The following PTPRD variants were observed in gnomAD, a reference collection of about 807,000 sequenced individuals.
PTPRD encodes the protein protein tyrosine phosphatase receptor type D.
In PTPRD, 34 loss-of-function variants were observed where a neutral mutation model predicts 214.5. The ratio of observed to expected loss-of-function variants is 0.16; its 90% CI spans 0.12 to 0.21. PTPRD has a LOEUF of 0.21. Among genes scored for constraint, PTPRD ranks in the 10% least tolerant of loss-of-function variants. The probability of loss-of-function intolerance (pLI) is 1.00; values close to 1 mark genes in which losing one functional copy is unlikely to be tolerated. For missense variants in PTPRD, 2,545 were observed against 2,398.7 expected (o/e 1.06, Z -1.27); for synonymous variants, 1,128 against 845.7 (o/e 1.33, Z -5.79).
chr9:9,187,703 T>A (rs1412862545), intron 9 of PTPRD, among the ~76,000 whole-genome samples: 1 of 152,024 alleles, frequency 6.6e-6, no homozygotes, highest in African/African-American at 2.4e-5. Context: ...CAACAAATAC[T>A]ACTGCAACCC....
At chr9:8,677,225 T>C (rs371796780) in intron 12 of PTPRD, among the ~76,000 whole-genome samples, 4 of 152,194 alleles carry the variant, frequency 2.6e-5, no homozygotes, top group Non-Finnish European at 5.9e-5. Context: ...CACACATACA[T>C]TTATCACAGC....
intron 8 of PTPRD, among the ~76,000 whole-genome samples, chr9:9,498,412 C>G (rs10759079): frequency 0.49 from 74,067 of 151,850 alleles, 18,708 homozygotes; most frequent in East Asian, 0.65. Context: ...AGGTTATAAA[C>G]TTGGACTTCA....
intron 3 of PTPRD, among the ~76,000 whole-genome samples, chr9:10,213,455 T>G (rs10116664): frequency 0.12 from 17,754 of 151,948 alleles, 1,154 homozygotes; most frequent in Middle Eastern, 0.19. Flanking sequence ...ATCTGTCAGG[T>G]GGATGCAGAG....
At chr9:9,938,846 G>T (rs895129779) in intron 4 of PTPRD, among the ~76,000 whole-genome samples, 4 of 151,934 alleles carry the variant, frequency 2.6e-5, no homozygotes, top group African/African-American at 7.3e-5. Flanking sequence ...CTTATAAAAG[G>T]TTATTTATTA....
intron 2 of PTPRD, among the ~76,000 whole-genome samples, chr9:10,414,571 A>C (rs914775585): frequency 6.6e-6 from 1 of 152,000 alleles, no homozygotes; most frequent in Admixed American, 6.6e-5. Flanking sequence ...GATTTGACTC[A>C]GCAATCCCAT....
chr9:8,953,455 C>G (rs1294953871), intron 11 of PTPRD, among the ~76,000 whole-genome samples: 1 of 151,904 alleles, frequency 6.6e-6, no homozygotes, highest in African/African-American at 2.4e-5. Context: ...GAATTTGTAG[C>G]TAAGCCCTCA....
chr9:9,371,199 T>TA (rs1240598376), intron 9 of PTPRD, among the ~76,000 whole-genome samples: 1 of 152,172 alleles, frequency 6.6e-6, no homozygotes, highest in African/African-American at 2.4e-5. Context: ...TACCAGCTCC[T>TA]CCTGTACCTC....
chr9:10,589,502 A>G (rs1030263118), intron 2 of PTPRD, among the ~76,000 whole-genome samples: 2 of 152,134 alleles, frequency 1.3e-5, no homozygotes, highest in Non-Finnish European at 2.9e-5. Context: ...CTAAGACATT[A>G]GAGCATAAGT....
chr9:8,947,287 A>T (rs1296399173), intron 11 of PTPRD, among the ~76,000 whole-genome samples: 1 of 150,674 alleles, frequency 6.6e-6, no homozygotes. Flanking sequence ...CATGGTGAAA[A>T]CCTGTCTCTA....
intron 5 of PTPRD, among the ~76,000 whole-genome samples, chr9:9,773,313 T>A (rs889558184): frequency 6.6e-6 from 1 of 152,268 alleles, no homozygotes; most frequent in African/African-American, 2.4e-5. Flanking sequence ...CAGTTCTCCA[T>A]CCTCTTAGGA....
chr9:9,876,605 A>T (rs1428875558), intron 5 of PTPRD, among the ~76,000 whole-genome samples: 1 of 152,220 alleles, frequency 6.6e-6, no homozygotes, highest in Non-Finnish European at 1.5e-5. Flanking sequence ...AATGCTCATT[A>T]TATGAGAATT....
intron 3 of PTPRD, among the ~76,000 whole-genome samples, chr9:10,278,150 T>C (rs571177338): frequency 7.2e-4 from 102 of 140,750 alleles, no homozygotes; most frequent in Non-Finnish European, 1.2e-3. Context: ...AGCGAGACTC[T>C]GTCTCAAAAA....
At chr9:9,990,836 C>T (rs1302689608) in intron 4 of PTPRD, among the ~76,000 whole-genome samples, 1 of 152,132 alleles carries the variant, frequency 6.6e-6, no homozygotes, top group Non-Finnish European at 1.5e-5. Flanking sequence ...TAGATACTGT[C>T]CACTCTATGA....
At chr9:10,111,772 CAAGT>C (rs925254579) in intron 3 of PTPRD, among the ~76,000 whole-genome samples, 5 of 152,126 alleles carry the variant, frequency 3.3e-5, no homozygotes, top group African/African-American at 1.2e-4. Flanking sequence ...AATAAACCTG[CAAGT>C]AAATTTCACT....
At chr9:9,065,186 G>T (rs1030487077) in intron 10 of PTPRD, among the ~76,000 whole-genome samples, 5 of 152,166 alleles carry the variant, frequency 3.3e-5, no homozygotes, top group African/African-American at 9.7e-5. Context: ...TAATTAAAAA[G>T]TGTATTAGGA....
chr9:9,371,768 C>T (rs2059566801), intron 9 of PTPRD, among the ~76,000 whole-genome samples: 1 of 152,140 alleles, frequency 6.6e-6, no homozygotes, highest in African/African-American at 2.4e-5. Flanking sequence ...AAATTTCCCT[C>T]TACACACTGC....
intron 14 of PTPRD, among the ~76,000 whole-genome samples, chr9:8,573,864 T>C (rs2154240211): frequency 6.6e-6 from 1 of 152,088 alleles, no homozygotes; most frequent in Admixed American, 6.5e-5. Flanking sequence ...AATTTGTTTA[T>C]ATTTCAATTA....
At chr9:9,633,506 T>C (rs2095658833) in intron 7 of PTPRD, among the ~76,000 whole-genome samples, 1 of 140,028 alleles carries the variant, frequency 7.1e-6, no homozygotes, top group Non-Finnish European at 1.6e-5. Flanking sequence ...AGAATTTAGA[T>C]GTAAGGTTAA....
At chr9:8,710,653 G>A (rs1326563853) in intron 12 of PTPRD, among the ~76,000 whole-genome samples, 3 of 151,958 alleles carry the variant, frequency 2.0e-5, no homozygotes, top group Non-Finnish European at 4.4e-5. Context: ...AATAATAACA[G>A]TAATAGGATA....
Sources: allele counts gnomAD v4.1 joint callset (sites outside exome capture counted in the v4.1 genomes callset), GRCh38; gene constraint gnomAD v4.1.1; transcripts MANE v1.5; gene names NCBI Gene and HGNC (gene_info 2026-07-23, HGNC 2026-07-21).